Variants in MAGI2 observed in about 807,000 individuals in gnomAD.
MAGI2 encodes the protein membrane associated guanylate kinase, WW and PDZ domain containing 2.
Under a neutral mutation model 133.3 loss-of-function variants are expected in MAGI2, and 35 were observed. That is an observed-to-expected ratio of 0.26 (90% confidence interval 0.20 to 0.35). The LOEUF is 0.35. Among genes scored for constraint, MAGI2 ranks in the 10% least tolerant of loss-of-function variants. MAGI2 has a pLI of 1.00. For synonymous variants in MAGI2, 729 were observed against 710.6 expected (o/e 1.03, Z -0.41); for missense variants, 1,636 against 1,863.4 (o/e 0.88, Z 2.25).
intron 6 of MAGI2, among the ~76,000 whole-genome samples, chr7:78,451,951 G>A (rs1019608923): frequency 6.6e-6 from 1 of 152,030 alleles, no homozygotes; most frequent in Admixed American, 6.6e-5. Context: ...TCACAATGGA[G>A]AATCACATCT....
At chr7:79,363,167 C>G (rs1842468163) in intron 1 of MAGI2, among the ~76,000 whole-genome samples, 1 of 151,088 alleles carries the variant, frequency 6.6e-6, no homozygotes, top group South Asian at 2.1e-4. Flanking sequence ...AACACTGAAA[C>G]TAAAATTTAA....
At chr7:78,906,985 G>A (rs373727658) in intron 2 of MAGI2, among the ~76,000 whole-genome samples, 1 of 152,186 alleles carries the variant, frequency 6.6e-6, no homozygotes, top group African/African-American at 2.4e-5. Flanking sequence ...AAGTCCAGCC[G>A]ACCTTTGATC....
chr7:78,655,454 C>CAAAAA, intron 2 of MAGI2, among the ~76,000 whole-genome samples: 13 of 64,950 alleles, frequency 2.0e-4, no homozygotes, highest in Non-Finnish European at 2.8e-4. Context: ...AAAAAACAAC[C>CAAAAA]AAAAAAAAAA....
At position 78,225,384 on chromosome 7, in the gene MAGI2, C is replaced by G. The variant is rs186598122; in HGVS notation, c.2048-24191G>C. Among the ~76,000 whole-genome samples the G allele has an allele frequency of 2.2e-4, 34 of 151,730 alleles. No individual in the cohort carries two copies. The East Asian group carries it at 6.6e-3, about 29-fold the overall frequency. On this transcript the variant is annotated intron_variant, in intron 10 of 21. Transcript: ENST00000354212. The stretch of plus-strand genomic sequence containing the variant: ...TTTTTTTTTGAGACAGGGTCTTGCT[C>G]TATTGATTAGACTGGAGGGCAGTGG...
intron 1 of MAGI2, among the ~76,000 whole-genome samples, chr7:79,215,373 C>T: frequency 6.6e-6 from 1 of 151,986 alleles, no homozygotes; most frequent in South Asian, 2.1e-4. Context: ...ATTCCCTTCA[C>T]TTTCCAGTTT....
At chr7:78,534,941 T>C (rs921165193) in intron 3 of MAGI2, among the ~76,000 whole-genome samples, 6 of 152,092 alleles carry the variant, frequency 3.9e-5, no homozygotes, top group Non-Finnish European at 7.4e-5. Context: ...AAGACCAGCC[T>C]GGCCAAGATG....
chr7:79,067,400 C>T (rs1049409972), intron 1 of MAGI2, among the ~76,000 whole-genome samples: 3 of 152,084 alleles, frequency 2.0e-5, no homozygotes, highest in Admixed American at 1.3e-4. Flanking sequence ...ATTTGGCTCT[C>T]TGTTTGTCTG....
intron 3 of MAGI2, chr7:78,618,731 C>T (rs943110979): frequency 4.6e-5 from 7 of 151,390 alleles, no homozygotes; most frequent in Non-Finnish European, 8.9e-5. Flanking sequence ...CATGGATGGA[C>T]CTAGAGGACA....
intron 10 of MAGI2, among the ~76,000 whole-genome samples, chr7:78,227,847 CA>C (rs1789547441): frequency 1.6e-5 from 1 of 64,268 alleles, no homozygotes; most frequent in Non-Finnish European, 4.3e-5. Context: ...CCTTCTTACT[CA>C]GTTGTGTGTG....
intron 2 of MAGI2, among the ~76,000 whole-genome samples, chr7:78,689,792 A>C (rs960105032): frequency 2.2e-5 from 3 of 138,362 alleles, no homozygotes; most frequent in Admixed American, 8.4e-5. Flanking sequence ...ATTTCATTGT[A>C]ATAAGATATC....
chr7:78,880,700 A>G (rs1179646754), intron 2 of MAGI2, among the ~76,000 whole-genome samples: 1 of 152,196 alleles, frequency 6.6e-6, no homozygotes, highest in Non-Finnish European at 1.5e-5. Flanking sequence ...CAACTCCATG[A>G]TAGAATCAAA....
chr7:78,247,031 C>T (rs1360757595), intron 10 of MAGI2, among the ~76,000 whole-genome samples: 1 of 152,186 alleles, frequency 6.6e-6, no homozygotes, highest in Non-Finnish European at 1.5e-5. Flanking sequence ...AGATCTTGAA[C>T]CCCGGACCTC....
chr7:78,774,371 C>T (rs1324010489), intron 2 of MAGI2, among the ~76,000 whole-genome samples: 1 of 152,166 alleles, frequency 6.6e-6, no homozygotes, highest in Non-Finnish European at 1.5e-5. Context: ...AAGGCAATAT[C>T]ATAAACATAG....
intron 1 of MAGI2, among the ~76,000 whole-genome samples, chr7:79,228,881 G>A (rs902020772): frequency 6.6e-6 from 1 of 152,126 alleles, no homozygotes; most frequent in African/African-American, 2.4e-5. Flanking sequence ...ATTGGAAGCG[G>A]AGTAGGGGCA....
chr7:78,807,193 T>A (rs1313273444), intron 2 of MAGI2, among the ~76,000 whole-genome samples: 1 of 152,036 alleles, frequency 6.6e-6, no homozygotes, highest in East Asian at 1.9e-4. Flanking sequence ...TTGTAAATTA[T>A]TAAAGACTCT....
chr7:79,251,300 A>G (rs1005644447), intron 1 of MAGI2, among the ~76,000 whole-genome samples: 3 of 152,062 alleles, frequency 2.0e-5, no homozygotes, highest in African/African-American at 4.8e-5. Flanking sequence ...TGAAGCAACA[A>G]CCCATAGAAT....
At position 78,320,723 on chromosome 7, in the gene MAGI2, T is replaced by C. The variant is rs1279516839; in HGVS notation, c.1408+23055A>G. ...TTGGAAAACTGGCACAAGACAAGGATGCCCTCTCTCACCACTCTTATTCAA... is the reference window on the plus strand; with the variant it reads ...TTGGAAAACTGGCACAAGACAAGGACGCCCTCTCTCACCACTCTTATTCAA... On this transcript the variant is annotated intron_variant, in intron 9 of 21. Coordinates refer to ENST00000354212, the MANE Select transcript of MAGI2 (RefSeq NM_012301.4). 2.6e-5 allele frequency among the ~76,000 whole-genome samples: 4 copies of C among 152,296 alleles called. No individual in the cohort carries two copies. The East Asian group carries it at 7.7e-4, about 29-fold the overall frequency.
chr7:78,069,508 T>A (rs978343875), intron 21 of MAGI2, among the ~76,000 whole-genome samples: 18 of 142,488 alleles, frequency 1.3e-4, no homozygotes, highest in South Asian at 2.4e-4. Flanking sequence ...TGTGTGTGTG[T>A]GAGAGAGAGA....
intron 2 of MAGI2, among the ~76,000 whole-genome samples, chr7:78,884,287 G>A (rs1796100991): frequency 6.6e-6 from 1 of 152,108 alleles, no homozygotes; most frequent in South Asian, 2.1e-4. Context: ...AGACCAGCTT[G>A]AGTGACTTAA....
Sources: gnomAD v4.1 joint callset for allele counts (sites outside exome capture counted in the v4.1 genomes callset) on GRCh38, gnomAD v4.1.1 for gene constraint, MANE v1.5 for transcripts, NCBI Gene and HGNC (gene_info 2026-07-23, HGNC 2026-07-21) for gene names.